The following ZNF682 variants were observed in gnomAD, a reference collection of about 807,000 sequenced individuals.
ZNF682 encodes zinc finger protein 682.
In ZNF682, 29 loss-of-function variants were observed where a neutral mutation model predicts 36.5. That is an observed-to-expected ratio of 0.80 (90% CI 0.59 to 1.08). ZNF682 has a LOEUF of 1.08. ZNF682 is among the 50% of genes least tolerant of loss of function. The pLI is 0.00. For missense variants in ZNF682, 561 were observed against 579.7 expected (o/e 0.97, Z 0.33); for synonymous variants, 180 against 197.0 (o/e 0.91, Z 0.72).
intron 3 of ZNF682, among the ~76,000 whole-genome samples, chr19:20,018,860 C>T (rs2088360618): frequency 6.6e-6 from 1 of 152,082 alleles, no homozygotes; most frequent in Non-Finnish European, 1.5e-5. Context: ...ATTTTCTTAG[C>T]TCTGAAATCA....
intron 3 of ZNF682, 150 bp downstream of exon 3, chr19:20,022,854 T>C (rs1229608165): frequency 3.0e-6 from 2 of 663,718 alleles, no homozygotes; most frequent in Non-Finnish European, 5.3e-6. Context: ...AGACAGAAGA[T>C]GCCTCTGTAC....
intron 3 of ZNF682, among the ~76,000 whole-genome samples, chr19:20,010,506 A>G (rs544294334): frequency 6.6e-6 from 1 of 152,158 alleles, no homozygotes; most frequent in African/African-American, 2.4e-5. Context: ...CTAAAATACA[A>G]AAATTAGCCA....
chr19:20,018,835 C>T (rs1354353168), intron 3 of ZNF682, among the ~76,000 whole-genome samples: 1 of 151,934 alleles, frequency 6.6e-6, no homozygotes, highest in Non-Finnish European at 1.5e-5. Flanking sequence ...TACAAAAGAC[C>T]AAGAATTTGA....
chr19:20,025,341 A>T (rs1475603154), intron 1 of ZNF682, among the ~76,000 whole-genome samples: 3 of 152,140 alleles, frequency 2.0e-5, no homozygotes, highest in African/African-American at 4.8e-5. Context: ...CTTTATAATT[A>T]AAAAAAATCT....
chr19:20,030,374 A>G (rs2088469469), intron 1 of ZNF682, among the ~76,000 whole-genome samples: 2 of 152,162 alleles, frequency 1.3e-5, no homozygotes, highest in Admixed American at 6.6e-5. Context: ...GTTCGAGACC[A>G]GCCTGGCCAA....
downstream of ZNF682, among the ~76,000 whole-genome samples, chr19:19,995,680 T>A (rs2122273541): frequency 6.7e-6 from 1 of 149,874 alleles, no homozygotes; most frequent in South Asian, 2.1e-4. Flanking sequence ...CATACCAGAC[T>A]ATGGAGGATT....
At chr19:20,021,465 C>A (rs766471474) in intron 3 of ZNF682, among the ~76,000 whole-genome samples, 1 of 142,632 alleles carries the variant, frequency 7.0e-6, no homozygotes, top group Non-Finnish European at 1.5e-5. Context: ...GCCTGTGTGA[C>A]AGAGTGAGAC....
At chr19:20,009,892 C>T (rs1286472818) in intron 3 of ZNF682, among the ~76,000 whole-genome samples, 1 of 152,028 alleles carries the variant, frequency 6.6e-6, no homozygotes, top group Non-Finnish European at 1.5e-5. Context: ...TGGTAGCGTG[C>T]ACCTGTAGTC....
At chr19:20,027,419 G>A (rs995092560) in intron 1 of ZNF682, among the ~76,000 whole-genome samples, 3 of 152,166 alleles carry the variant, frequency 2.0e-5, no homozygotes, top group African/African-American at 7.2e-5. Context: ...CCACTCCCCT[G>A]CTCCCATGAA....
intron 1 of ZNF682, among the ~76,000 whole-genome samples, chr19:20,038,906 T>C (rs894393633): frequency 6.6e-6 from 1 of 152,224 alleles, no homozygotes; most frequent in Admixed American, 6.5e-5. Flanking sequence ...CATAAATCAC[T>C]GTTAACTTCA....
intron 1 of ZNF682, among the ~76,000 whole-genome samples, chr19:20,032,143 A>G (rs1338065192): frequency 6.6e-6 from 1 of 152,198 alleles, no homozygotes; most frequent in Admixed American, 6.5e-5. Flanking sequence ...TGCATCCCTC[A>G]GATAAAAGTT....
rs2088244713 is a variant in ZNF682 at position 20,008,050 on chromosome 19, AC to A, written c.227-776del. 2.0e-5 allele frequency: 3 copies of A among 152,322 alleles called. No homozygotes were observed. The South Asian group carries it at 6.2e-4, about 32-fold the overall frequency. The allele number at this position is 152,322 out of a possible 1,614,324, so 9.4% of individuals were successfully genotyped here. On this transcript the variant is annotated intron_variant, in intron 3 of 3. Transcript: ENST00000397165. ...CCACTTATATCACAGATGGTGCTTG[AC>A]CCCAAAGGGCCAGAGGACAAATCCA... is the stretch of plus-strand genomic sequence containing the variant.
intron 3 of ZNF682, among the ~76,000 whole-genome samples, chr19:20,011,985 G>A (rs909260831): frequency 3.3e-5 from 5 of 151,678 alleles, no homozygotes; most frequent in East Asian, 3.9e-4. Context: ...TGCAGTGAGC[G>A]GAGATTGCGC....
intron 1 of ZNF682, among the ~76,000 whole-genome samples, chr19:20,031,707 C>T (rs1173560384): frequency 1.3e-5 from 2 of 152,096 alleles, no homozygotes; most frequent in Non-Finnish European, 2.9e-5. Context: ...CTGTGGGAGG[C>T]CGAGGTGGGC....
intron 3 of ZNF682, among the ~76,000 whole-genome samples, chr19:20,019,038 C>T (rs1473415750): frequency 1.3e-5 from 2 of 152,074 alleles, no homozygotes; most frequent in East Asian, 3.9e-4. Flanking sequence ...TAAACAATGT[C>T]TAAAACTCAA....
Position 20,013,275 on chromosome 19 carries a change from TTA to T in ZNF682, c.227-6002_227-6001del, listed in dbSNP as rs1270794766. Among the ~76,000 whole-genome samples, 8 of 151,986 alleles carry T rather than the reference TTA, an allele frequency of 5.3e-5. No homozygotes were observed. In the East Asian group the frequency reaches 9.6e-4, roughly 18 times the overall value. The stretch of plus-strand genomic sequence containing the variant: ...ATTATATAATAATAAAAAGATTAAT[TTA>T]TATATGTTATAGAAAACTATAACAT... On this transcript the variant is annotated intron_variant, in intron 3 of 3. Coordinates refer to ENST00000397165, the MANE Select transcript of ZNF682 (RefSeq NM_033196.3).
chr19:20,022,138 C>T (rs1018374668), intron 3 of ZNF682, among the ~76,000 whole-genome samples: 13 of 144,812 alleles, frequency 9.0e-5, no homozygotes, highest in Non-Finnish European at 9.0e-5. Flanking sequence ...CCCTGCACTC[C>T]AGCCTGGGTG....
intron 1 of ZNF682, among the ~76,000 whole-genome samples, chr19:20,026,003 T>G (rs2088428179): frequency 6.6e-6 from 1 of 152,114 alleles, no homozygotes; most frequent in Non-Finnish European, 1.5e-5. Flanking sequence ...AAATGTGCAT[T>G]TTTAAAATCC....
intron 3 of ZNF682, among the ~76,000 whole-genome samples, chr19:20,016,491 T>TA (rs1255920615): frequency 1.3e-5 from 2 of 152,066 alleles, no homozygotes; most frequent in Non-Finnish European, 2.9e-5. Flanking sequence ...AACAGAGATT[T>TA]AAAAAACTAT....
Sources: allele counts gnomAD v4.1 joint callset (sites outside exome capture counted in the v4.1 genomes callset), GRCh38; gene constraint gnomAD v4.1.1; transcripts MANE v1.5; gene names NCBI Gene and HGNC (gene_info 2026-07-23, HGNC 2026-07-21).